CCNY: variants seen among roughly 807,000 people sequenced by gnomAD.
CCNY encodes the protein cyclin-Y.
In CCNY, 19 loss-of-function variants were observed where a neutral mutation model predicts 42.8. That is an observed-to-expected ratio of 0.44 (90% confidence interval 0.31 to 0.65). The LOEUF is 0.65. CCNY is among the 30% of genes least tolerant of loss of function. The pLI is 0.07. For synonymous variants in CCNY, 165 were observed against 162.7 expected, an observed-to-expected ratio of 1.01 and a Z score of -0.11; for missense variants, 370 against 437.3, an observed-to-expected ratio of 0.85 and a Z score of 1.37.
At chr10:35,401,721 A>G (rs1299984397) in intron 1 of CCNY, among the ~76,000 whole-genome samples, 1 of 152,066 alleles carries the variant, frequency 6.6e-6, no homozygotes, top group Non-Finnish European at 1.5e-5. Flanking sequence ...GATTATCATT[A>G]GTTCTTATAG....
intron 1 of CCNY, among the ~76,000 whole-genome samples, chr10:35,396,258 A>G (rs1837523011): frequency 1.3e-5 from 2 of 152,200 alleles, no homozygotes; most frequent in Non-Finnish European, 1.5e-5. Context: ...ATGGAAAGCT[A>G]TAATTATTTT....
chr10:35,528,324 TC>T (rs2135421214), intron 5 of CCNY, among the ~76,000 whole-genome samples: 1 of 152,344 alleles, frequency 6.6e-6, no homozygotes, highest in Admixed American at 6.5e-5. Context: ...AACCTTTCTT[TC>T]GCTTGGGTTG....
chr10:35,434,262 G>A (rs1838477164), intron 1 of CCNY: 1 of 152,212 alleles, frequency 6.6e-6, no homozygotes, highest in African/African-American at 2.4e-5. Flanking sequence ...GAGTAATTAT[G>A]TTGTCTCCCT....
intron 1 of CCNY, among the ~76,000 whole-genome samples, chr10:35,404,831 T>C (rs531181220): frequency 6.6e-6 from 1 of 152,262 alleles, no homozygotes; most frequent in Admixed American, 6.5e-5. Context: ...GGAAGAAATT[T>C]GGGCTTGACT....
chr10:35,374,534 G>T (rs999699988), intron 1 of CCNY, among the ~76,000 whole-genome samples: 1 of 152,178 alleles, frequency 6.6e-6, no homozygotes. Flanking sequence ...AGAGACTAGG[G>T]ACAAACAACA....
At chr10:35,433,192 T>C (rs991250867) in intron 1 of CCNY, among the ~76,000 whole-genome samples, 1 of 152,080 alleles carries the variant, frequency 6.6e-6, no homozygotes, top group South Asian at 2.1e-4. Context: ...CAAAAAATAA[T>C]AAAAAAGATA....
chr10:35,437,864 A>T (rs1362413069), intron 1 of CCNY, among the ~76,000 whole-genome samples: 2 of 152,124 alleles, frequency 1.3e-5, no homozygotes, highest in African/African-American at 4.8e-5. Flanking sequence ...TTGGGTTGGG[A>T]ATTTTTTACT....
intron 3 of CCNY, among the ~76,000 whole-genome samples, chr10:35,297,002 A>C (rs1295580386): frequency 2.0e-5 from 3 of 152,236 alleles, no homozygotes; most frequent in East Asian, 3.9e-4. Flanking sequence ...ACAACAACAA[A>C]AAAATCTTCA....
rs551507889 is a variant in CCNY at position 35,544,455 on chromosome 10, G to A, written c.580-8564G>A. Among the ~76,000 whole-genome samples the A allele has an allele frequency of 4.7e-4, 72 of 152,282 alleles. No homozygotes were observed. The Middle Eastern group carries it at 0.01, about 22-fold the overall frequency. ...ACATAGCCTAGGTTAATAGTAGGCC[G>A]TAGCACCTGCTTTTGTGTAAGTGCA... On this transcript the variant is annotated intron_variant, in intron 7 of 9. Coordinates refer to ENST00000374704, the MANE Select transcript of CCNY (RefSeq NM_145012.6).
chr10:35,445,597 T>G (rs569335585), intron 1 of CCNY, among the ~76,000 whole-genome samples: 1 of 152,092 alleles, frequency 6.6e-6, no homozygotes, highest in Non-Finnish European at 1.5e-5. Flanking sequence ...ACAGAAGCCA[T>G]GTTTTGAGGC....
At chr10:35,540,687 G>A (rs1840982064) in intron 7 of CCNY, among the ~76,000 whole-genome samples, 1 of 151,972 alleles carries the variant, frequency 6.6e-6, no homozygotes, top group Non-Finnish European at 1.5e-5. Flanking sequence ...TTACTAATCA[G>A]TCTCTTCGCT....
At chr10:35,283,964 G>A (rs1449441600) in intron 3 of CCNY, among the ~76,000 whole-genome samples, 1 of 151,980 alleles carries the variant, frequency 6.6e-6, no homozygotes, top group Non-Finnish European at 1.5e-5. Context: ...CATACCTGTA[G>A]TCCCAGCTAC....
At chr10:35,500,742 T>C (rs1008098883) in intron 2 of CCNY, among the ~76,000 whole-genome samples, 1 of 152,262 alleles carries the variant, frequency 6.6e-6, no homozygotes, top group African/African-American at 2.4e-5. Flanking sequence ...TCCCTGTGAC[T>C]GACCCTTCTA....
At chr10:35,364,887 C>T (rs1261867145) in intron 1 of CCNY, among the ~76,000 whole-genome samples, 2 of 152,174 alleles carry the variant, frequency 1.3e-5, no homozygotes, top group African/African-American at 4.8e-5. Context: ...GAGCCCTTCT[C>T]TAAGTGTGGA....
chr10:35,283,863 C>A (rs1181167061), intron 3 of CCNY, among the ~76,000 whole-genome samples: 2 of 152,124 alleles, frequency 1.3e-5, no homozygotes, highest in African/African-American at 4.8e-5. Flanking sequence ...GAGGGCGGAT[C>A]ACTTGAGGTC....
intron 3 of CCNY, among the ~76,000 whole-genome samples, chr10:35,301,845 C>G (rs1197308098): frequency 1.3e-5 from 2 of 152,052 alleles, no homozygotes; most frequent in Admixed American, 6.6e-5. Flanking sequence ...GTTGCCCAGG[C>G]TGGTTTCAAA....
intron 7 of CCNY, among the ~76,000 whole-genome samples, chr10:35,548,026 C>G (rs1344137234): frequency 1.3e-5 from 2 of 152,080 alleles, no homozygotes; most frequent in African/African-American, 2.4e-5. Context: ...ACATGTTACT[C>G]CACTTGACCC....
intron 3 of CCNY, among the ~76,000 whole-genome samples, chr10:35,286,966 T>C (rs920015029): frequency 3.3e-5 from 5 of 152,222 alleles, no homozygotes; most frequent in African/African-American, 1.2e-4. Context: ...AGAGAAATTT[T>C]TGAAGGTGTC....
At chr10:35,307,682 G>A (rs1056400895) in intron 3 of CCNY, among the ~76,000 whole-genome samples, 32 of 146,972 alleles carry the variant, frequency 2.2e-4, no homozygotes, top group African/African-American at 8.1e-4. Context: ...ATATATATAC[G>A]TGTATATCTA....
Sources: allele counts gnomAD v4.1 joint callset (sites outside exome capture counted in the v4.1 genomes callset), GRCh38; gene constraint gnomAD v4.1.1; transcripts MANE v1.5; gene names NCBI Gene and HGNC (gene_info 2026-07-23, HGNC 2026-07-21).